The following EXOC6B variants were observed in gnomAD, a reference collection of about 807,000 sequenced individuals.
EXOC6B encodes exocyst complex component 6B, also known as SEC15 homolog B.
In EXOC6B, 54 loss-of-function variants were observed where a neutral mutation model predicts 113.5. The observed-to-expected ratio is 0.48, with a 90% CI of 0.38 to 0.60. The LOEUF is 0.60. Among genes scored for constraint, EXOC6B ranks in the 20% least tolerant of loss-of-function variants. The pLI, the probability that EXOC6B is intolerant of heterozygous loss-of-function variation, is 0.00. For synonymous variants in EXOC6B, 357 were observed against 339.0 expected (o/e 1.05, Z -0.58); for missense variants, 797 against 977.5 (o/e 0.82, Z 2.46).
At chr2:72,808,591 T>A in intron 1 of EXOC6B, among the ~76,000 whole-genome samples, 1 of 152,088 alleles carries the variant, frequency 6.6e-6, no homozygotes, top group Middle Eastern at 3.2e-3. Flanking sequence ...AGGCCCAGTC[T>A]CTACAACAAA....
intron 21 of EXOC6B, among the ~76,000 whole-genome samples, chr2:72,181,329 T>C (rs1052930924): frequency 6.6e-6 from 1 of 152,104 alleles, no homozygotes; most frequent in Non-Finnish European, 1.5e-5. Context: ...TGGAGGCCTG[T>C]GCTTGGAAGG....
chr2:72,344,728 G>C (rs1689224068), intron 19 of EXOC6B, among the ~76,000 whole-genome samples: 1 of 151,784 alleles, frequency 6.6e-6, no homozygotes, highest in Non-Finnish European at 1.5e-5. Context: ...TCTACGGTTA[G>C]TTTCTAATTT....
At chr2:72,661,850 T>C (rs989618630) in intron 6 of EXOC6B, among the ~76,000 whole-genome samples, 2 of 152,064 alleles carry the variant, frequency 1.3e-5, no homozygotes, top group East Asian at 1.9e-4. Context: ...GGGAAAGGGA[T>C]AGATACCAGT....
At chr2:72,772,182 G>A (rs1458881790) in intron 1 of EXOC6B, among the ~76,000 whole-genome samples, 4 of 152,106 alleles carry the variant, frequency 2.6e-5, no homozygotes, top group African/African-American at 9.7e-5. Context: ...AGAATGATAT[G>A]AGCACCCTAC....
chr2:72,478,545 T>G (rs1346368935), intron 17 of EXOC6B, among the ~76,000 whole-genome samples: 1 of 152,220 alleles, frequency 6.6e-6, no homozygotes, highest in East Asian at 1.9e-4. Context: ...AATCAGTGTT[T>G]CCAATAAGCA....
chr2:72,466,155 G>A (rs1325896742), intron 17 of EXOC6B, among the ~76,000 whole-genome samples: 3 of 151,948 alleles, frequency 2.0e-5, no homozygotes, highest in African/African-American at 7.3e-5. Context: ...GACCAGCCTG[G>A]CCAACATGGT....
intron 20 of EXOC6B, among the ~76,000 whole-genome samples, chr2:72,234,542 C>G (rs1318247640): frequency 6.6e-6 from 1 of 151,988 alleles, no homozygotes; most frequent in Non-Finnish European, 1.5e-5. Flanking sequence ...GCAATTGCAA[C>G]AAAAACAAAA....
At chr2:72,218,993 A>T (rs1225881114) in intron 20 of EXOC6B, among the ~76,000 whole-genome samples, 2 of 151,932 alleles carry the variant, frequency 1.3e-5, no homozygotes. Context: ...AGGAAAAAAA[A>T]TGGAGAGAAT....
At chr2:72,704,245 T>G (rs1200310741) in intron 6 of EXOC6B, among the ~76,000 whole-genome samples, 1 of 150,388 alleles carries the variant, frequency 6.6e-6, no homozygotes, top group Non-Finnish European at 1.5e-5. Context: ...CATAACGAAA[T>G]GAAGGCACAA....
chr2:72,402,105 T>G lies in EXOC6B; in HGVS notation c.1981-22235A>C, dbSNP rs185879164. Among the ~76,000 whole-genome samples, 1,237 of 152,214 alleles carry G rather than the reference T, an allele frequency of 8.1e-3. 9 individuals carry two copies. The highest frequency in any genetic ancestry group is 0.013 in the Non-Finnish European group (916 of 67,988). On this transcript the variant is annotated intron_variant, in intron 18 of 21. Transcript: ENST00000272427. ...ATTATTTTTTAAATGTTTGGTAGAATTCTCCACTGAAACCATCTAGTCTTG... is the reference window on the plus strand; with the variant it reads ...ATTATTTTTTAAATGTTTGGTAGAAGTCTCCACTGAAACCATCTAGTCTTG...
At position 72,212,221 on chromosome 2, in the gene EXOC6B, T is replaced by C. The variant is rs556808491; in HGVS notation, c.2197-28034A>G. Among the ~76,000 whole-genome samples the C allele has an allele frequency of 3.3e-5, 5 of 152,298 alleles. No homozygotes were observed. The East Asian group carries it at 9.6e-4, about 29-fold the overall frequency. On this transcript the variant is annotated intron_variant, in intron 20 of 21. Transcript: ENST00000272427. ...TGTCTAGATGTAAGGAGCAAAAACA[T>C]TGTTTTCAAAGGGTGTAATGGTATC... is the stretch of plus-strand genomic sequence containing the variant.
intron 8 of EXOC6B, among the ~76,000 whole-genome samples, chr2:72,545,247 G>A (rs1702829157): frequency 6.6e-6 from 1 of 151,932 alleles, no homozygotes; most frequent in Non-Finnish European, 1.5e-5. Context: ...GAGATGCACT[G>A]GCAAAAATGA....
rs1347814787 is a variant in EXOC6B, at chr2:72,582,599, A to T, written c.670-6931T>A. 2.6e-5 allele frequency among the ~76,000 whole-genome samples: 4 copies of T among 152,116 alleles called. No homozygotes were observed. The South Asian group carries it at 8.3e-4, about 32-fold the overall frequency. ...GCCCAGGCTGGAGTGAAATGGCACA[A>T]TCTTGGCTCATTGCAACCTCCACCT... On this transcript the variant is annotated intron_variant, in intron 6 of 21. Coordinates refer to ENST00000272427, the MANE Select transcript of EXOC6B (RefSeq NM_015189.3).
chr2:72,473,788 G>C (rs114512532), intron 17 of EXOC6B, among the ~76,000 whole-genome samples: 1,563 of 152,024 alleles, frequency 0.01, 41 homozygotes, highest in African/African-American at 0.036. Context: ...CGGTTTGGTG[G>C]TTTTCTGCAG....
chr2:72,265,992 C>G (rs1005588964), intron 20 of EXOC6B, among the ~76,000 whole-genome samples: 6 of 152,146 alleles, frequency 3.9e-5, no homozygotes, highest in African/African-American at 1.4e-4. Context: ...ATTTGCATTT[C>G]TCTGATGGCC....
At chr2:72,298,964 G>T (rs902734120) in intron 20 of EXOC6B, among the ~76,000 whole-genome samples, 1 of 151,982 alleles carries the variant, frequency 6.6e-6, no homozygotes, top group Non-Finnish European at 1.5e-5. Flanking sequence ...TATGTGTCTT[G>T]GGGTTGCTCT....
At chr2:72,689,374 C>T (rs1677324370) in intron 6 of EXOC6B, among the ~76,000 whole-genome samples, 1 of 152,208 alleles carries the variant, frequency 6.6e-6, no homozygotes, top group African/African-American at 2.4e-5. Context: ...CATGTTCTCA[C>T]TCACAGCGCA....
At chr2:72,722,261 T>A (rs1680058131) in intron 5 of EXOC6B, among the ~76,000 whole-genome samples, 1 of 152,128 alleles carries the variant, frequency 6.6e-6, no homozygotes. Flanking sequence ...CTTCATACTT[T>A]TAATTTCCTA....
At chr2:72,502,130 TAC>T (rs1035887433) in intron 11 of EXOC6B, among the ~76,000 whole-genome samples, 1 of 152,222 alleles carries the variant, frequency 6.6e-6, no homozygotes, top group Non-Finnish European at 1.5e-5. Context: ...CAAATAATAA[TAC>T]GTCATTTAGA....
Sources: gnomAD v4.1 joint callset for allele counts (sites outside exome capture counted in the v4.1 genomes callset) on GRCh38, gnomAD v4.1.1 for gene constraint, MANE v1.5 for transcripts, NCBI Gene and HGNC (gene_info 2026-07-23, HGNC 2026-07-21) for gene names.